ASCC2: variants seen among roughly 807,000 people sequenced by gnomAD.
The protein encoded by ASCC2 is ASC-1 complex subunit P100.
In ASCC2, 42 loss-of-function variants were observed where a neutral mutation model predicts 93.5. The ratio of observed to expected loss-of-function variants is 0.45; its 90% CI spans 0.35 to 0.58. ASCC2 has a LOEUF of 0.58. Among genes scored for constraint, ASCC2 ranks in the 20% least tolerant of loss-of-function variants. The probability of loss-of-function intolerance (pLI) is 0.00; values close to 1 mark genes in which losing one functional copy is unlikely to be tolerated. For missense variants in ASCC2, 859 were observed against 977.6 expected, an observed-to-expected ratio of 0.88 and a Z score of 1.62; for synonymous variants, 364 against 384.2, an observed-to-expected ratio of 0.95 and a Z score of 0.62.
chr22:29,820,441 C>A (rs1202007226), intron 5 of ASCC2, among the ~76,000 whole-genome samples: 1 of 151,632 alleles, frequency 6.6e-6, no homozygotes, highest in Admixed American at 6.6e-5. Flanking sequence ...GGGTTACAGG[C>A]GTGAGCCACC....
chr22:29,830,678 C>A (rs904821199), intron 2 of ASCC2, among the ~76,000 whole-genome samples: 2 of 152,228 alleles, frequency 1.3e-5, no homozygotes, highest in African/African-American at 4.8e-5. Context: ...CCTGATCACA[C>A]TAGAGAAGCT....
intron 2 of ASCC2, among the ~76,000 whole-genome samples, chr22:29,831,931 C>T (rs2063204597): frequency 6.6e-6 from 1 of 152,200 alleles, no homozygotes; most frequent in South Asian, 2.1e-4. Context: ...AATCCCCAAA[C>T]CCAGCTTTGG....
Position 29,793,435 on chromosome 22 carries a change from T to G in ASCC2, c.1844A>C (p.Glu615Ala), listed in dbSNP as rs769232988. ...LPYHSVYYED[E>A]YDDTYDGNQV... ...GTTGCCATCGTATGTGTCATCGTAC[T>G]CATCCTCGTAGTAGACACTGTGGTA... The change falls in exon 17 of 20, where the codon GAG becomes GCG. Residue 615 changes from glutamate (E) to alanine (A), a missense_variant. Coordinates refer to ENST00000307790, the MANE Select transcript of ASCC2 (RefSeq NM_032204.5). The G allele has an allele frequency of 6.2e-7, 1 of 1,614,178 alleles. No individual in the cohort carries two copies. The highest frequency in any genetic ancestry group is 1.3e-5 in the African/African-American group (1 of 75,078).
At chr22:29,801,396 T>C (rs1005525302) in intron 14 of ASCC2, among the ~76,000 whole-genome samples, 1 of 152,180 alleles carries the variant, frequency 6.6e-6, no homozygotes, top group Admixed American at 6.5e-5. Context: ...CATTTAATGC[T>C]CGTAATAGTC....
At chr22:29,794,977 G>A (rs2147445455) in intron 15 of ASCC2, among the ~76,000 whole-genome samples, 1 of 150,682 alleles carries the variant, frequency 6.6e-6, no homozygotes, top group South Asian at 2.1e-4. Context: ...TTTTGTTACA[G>A]GCTAGAGTGC....
chr22:29,820,475 T>C (rs1278778067), intron 5 of ASCC2, among the ~76,000 whole-genome samples: 2 of 151,916 alleles, frequency 1.3e-5, no homozygotes, highest in Admixed American at 1.3e-4. Flanking sequence ...AAATTTCATA[T>C]ACATTATGAT....
Position 29,793,631 on chromosome 22 carries a change from AC to A in ASCC2, c.1733del (p.Arg578LeufsTer71). ...AGCGCTGCCGCTGTGCCGCCACTGC[AC>A]GCTTGTCGTTCAGCAAACTCCGCGT... Reference protein sequence around the residue: ...ENTRSLLNDKRAVAAQRQRYE... With the variant: ...ENTRSLLNDKXAVAAQRQRYE... On this transcript the variant is annotated frameshift_variant, in exon 16 of 20. Coordinates refer to ENST00000307790, the MANE Select transcript of ASCC2 (RefSeq NM_032204.5). LOFTEE classifies it high-confidence loss of function. 1 of 1,602,456 alleles carries A rather than the reference AC, an allele frequency of 6.2e-7. No homozygotes were observed.
In ASCC2 at chr22:29,788,995, C is replaced by G; in HGVS notation, c.*18G>C. 6.2e-7 allele frequency: 1 copy of G among 1,614,000 alleles called. No individual in the cohort carries two copies. On this transcript the variant is annotated 3_prime_UTR_variant, in exon 20 of 20. Transcript: ENST00000307790. The stretch of plus-strand genomic sequence containing the variant: ...TGAGTCTGGTGCCGCTGCCTCCCCA[C>G]TGGCCCTGCACCAGGTCTCAGGATG...
chr22:29,817,556 G>A (rs1349464762), intron 5 of ASCC2, among the ~76,000 whole-genome samples: 2 of 152,084 alleles, frequency 1.3e-5, no homozygotes, highest in African/African-American at 4.8e-5. Flanking sequence ...TCCTGACCCA[G>A]GCATTAGGAG....
In ASCC2 at chr22:29,788,707, G is replaced by A; in HGVS notation, c.*306C>T. 1 of 430,830 alleles carries A rather than the reference G, an allele frequency of 2.3e-6. No homozygotes were observed. Among genetic ancestry groups the A allele is most frequent in the Non-Finnish European group, 4.3e-6 (1 of 234,384 alleles). 26.7% of individuals were successfully genotyped at this position (430,830 alleles called of 1,614,324 possible). ...GGTAAAGGGGAAGTGGTGTCTTGTG[G>A]CCCGAGGTTTGGGGCGCTTGCCTTG... On this transcript the variant is annotated 3_prime_UTR_variant, in exon 20 of 20. Coordinates refer to ENST00000307790, the MANE Select transcript of ASCC2 (RefSeq NM_032204.5).
In ASCC2 at chr22:29,806,560, C is replaced by G; in HGVS notation, c.1017-7G>C. 3 of 1,612,442 alleles carry G rather than the reference C, an allele frequency of 1.9e-6. No individual in the cohort carries two copies. Among genetic ancestry groups the G allele is most frequent in the Non-Finnish European group, 2.5e-6 (3 of 1,178,884 alleles). On this transcript the variant is annotated splice_polypyrimidine_tract_variant and splice_region_variant and intron_variant, in intron 10 of 19. Coordinates refer to ENST00000307790, the MANE Select transcript of ASCC2 (RefSeq NM_032204.5). Reference sequence around the variant, plus strand: ...GCCCTGAATGTTGTCACAGCTAGAACAAGACACCAGGGAAGATGAGCTCAT... The same window carrying G: ...GCCCTGAATGTTGTCACAGCTAGAAGAAGACACCAGGGAAGATGAGCTCAT...
chr22:29,823,473 GGA>G (rs953516271), intron 4 of ASCC2, among the ~76,000 whole-genome samples: 1 of 152,232 alleles, frequency 6.6e-6, no homozygotes, highest in Non-Finnish European at 1.5e-5. Context: ...GAGAACTAAG[GGA>G]GAGAGATAAA....
intron 7 of ASCC2, among the ~76,000 whole-genome samples, chr22:29,814,111 G>A (rs777298994): frequency 3.9e-5 from 6 of 152,208 alleles, no homozygotes; most frequent in Non-Finnish European, 7.3e-5. Context: ...TCTGAAATGA[G>A]ATCACCATCT....
At chr22:29,806,187 T>C (rs1436401771) in intron 12 of ASCC2, 29 bp downstream of exon 12, 2 of 1,609,840 alleles carry the variant, frequency 1.2e-6, no homozygotes, top group South Asian at 2.2e-5. Context: ...AGCTGGGCCC[T>C]GTCGTAGTGG....
chr22:29,829,047 G>C (rs759887375), intron 2 of ASCC2, among the ~76,000 whole-genome samples: 4 of 151,942 alleles, frequency 2.6e-5, no homozygotes, highest in Non-Finnish European at 5.9e-5. Context: ...GTAGTGGCAC[G>C]CACCTATAGT....
chr22:29,806,170 C>T (rs1309089477), intron 12 of ASCC2, 46 bp downstream of exon 12: 1 of 1,590,256 alleles, frequency 6.3e-7, no homozygotes, highest in Non-Finnish European at 8.6e-7. Context: ...CACCTCTGAC[C>T]TAGTCAAGCT....
chr22:29,793,789 G>A (rs555827865), intron 15 of ASCC2, 113 bp from the exon 16 acceptor site: 12 of 996,374 alleles, frequency 1.2e-5, no homozygotes, highest in Admixed American at 6.7e-5. Context: ...AGACTGTCAC[G>A]GAGACAAATG....
intron 9 of ASCC2, 27 bp from the exon 10 acceptor site, chr22:29,806,931 G>C: frequency 6.3e-7 from 1 of 1,580,744 alleles, no homozygotes. Context: ...AAAGACACAG[G>C]TTTAGGAGAC....
chr22:29,816,921 T>A (rs2060931148), intron 5 of ASCC2, among the ~76,000 whole-genome samples: 1 of 152,156 alleles, frequency 6.6e-6, no homozygotes, highest in Non-Finnish European at 1.5e-5. Context: ...AATCCCAGCA[T>A]CTAAGGCTGG....
Sources: allele counts gnomAD v4.1 joint callset (sites outside exome capture counted in the v4.1 genomes callset), GRCh38; gene constraint gnomAD v4.1.1; transcripts MANE v1.5; gene names NCBI Gene and HGNC (gene_info 2026-07-23, HGNC 2026-07-21).